The following SNX1 variants were observed in gnomAD, a reference collection of about 807,000 sequenced individuals.
SNX1 encodes the protein sorting nexin 1.
Under a neutral mutation model 71.8 loss-of-function variants are expected in SNX1, and 36 were observed. That is an observed-to-expected ratio of 0.50 (90% CI 0.38 to 0.66). SNX1 has a LOEUF of 0.66. SNX1 is among the 30% of genes least tolerant of loss of function. The probability of loss-of-function intolerance (pLI) is 0.00; values close to 1 mark genes in which losing one functional copy is unlikely to be tolerated. For synonymous variants in SNX1, 254 were observed against 240.7 expected (o/e 1.06, Z -0.51); for missense variants, 612 against 646.7 (o/e 0.95, Z 0.58).
At position 64,141,259 on chromosome 15, in the gene SNX1, C is replaced by T. The variant is rs184997679; in HGVS notation, c.*3641C>T. On this transcript the variant is annotated 3_prime_UTR_variant, in exon 15 of 15. Transcript: ENST00000559844. The surrounding 1 kb of genome is among the most constrained non-coding windows in gnomAD (Gnocchi z 5.1). ...ATCTAATGATCATTCTGACGTAAGT[C>T]TGTTTTTCTTATTTCCTTGGAATGA... The T allele has an allele frequency of 1.0e-3, 157 of 152,336 alleles. 1 individual carries two copies. Among genetic ancestry groups the T allele is most frequent in the African/African-American group, 3.5e-3 (147 of 41,566 alleles). 9.4% of individuals were successfully genotyped at this position (152,336 alleles called of 1,614,324 possible).
chr15:64,102,033 A>C (rs1285400268), intron 1 of SNX1, among the ~76,000 whole-genome samples: 18 of 152,228 alleles, frequency 1.2e-4, no homozygotes, highest in Non-Finnish European at 2.6e-4. Context: ...TCAACTAAAC[A>C]TAAAAAGAAA....
Position 64,131,724 on chromosome 15 carries a change from A to T in SNX1, c.1053A>T (p.Leu351=), listed in dbSNP as rs1479701893. ...ALNTAQFAKS[L]AMLGSSEDNT... is the part of the protein sequence containing the mutation. ...ACACAGCCCAGTTTGCAAAGAGTCTAGCCATGCTTGGGAGCTCTGAGGACA... is the reference window on the plus strand; with the variant it reads ...ACACAGCCCAGTTTGCAAAGAGTCTTGCCATGCTTGGGAGCTCTGAGGACA... The change falls in exon 11 of 15, where the codon CTA becomes CTT. Residue 351 remains leucine, a synonymous_variant. Transcript: ENST00000559844. 6.2e-7 allele frequency: 1 copy of T among 1,614,146 alleles called. No individual in the cohort carries two copies.
chr15:64,118,910 G>A (rs1013837734), intron 4 of SNX1, 56 bp downstream of exon 4: 31 of 1,390,568 alleles, frequency 2.2e-5, no homozygotes, highest in Non-Finnish European at 2.8e-5. Flanking sequence ...GAAAGCATAG[G>A]TAGCTAATTT....
rs1158893270 is a variant in SNX1, at chr15:64,138,972, C to G, written c.*1354C>G. The G allele has an allele frequency of 6.6e-6, 1 of 152,200 alleles. No individual in the cohort carries two copies. The highest frequency in any genetic ancestry group is 2.1e-4 in the South Asian group (1 of 4,830). The allele number at this position is 152,200 out of a possible 1,614,324, so 9.4% of individuals were successfully genotyped here. On this transcript the variant is annotated 3_prime_UTR_variant, in exon 15 of 15. Coordinates refer to ENST00000559844, the MANE Select transcript of SNX1 (RefSeq NM_003099.5). ...GGCGAGGCAACCTGAGACAAGAAAA[C>G]GCAGTAAACATTCTGATTCCCTGTA... is the stretch of plus-strand genomic sequence containing the variant.
chr15:64,106,967 C>G (rs926379872), intron 1 of SNX1, among the ~76,000 whole-genome samples: 19 of 152,184 alleles, frequency 1.2e-4, no homozygotes, highest in African/African-American at 4.6e-4. Flanking sequence ...AATAGGCTGT[C>G]CCACCTCACT....
At position 64,127,713 on chromosome 15, in the gene SNX1, T is replaced by C; in HGVS notation, c.732-18T>C. ...GAGGCCAGCTCAACTAACCAGATGATAACTGCTTACCTTTTAGGTACCTTC... is the reference window on the plus strand; with the variant it reads ...GAGGCCAGCTCAACTAACCAGATGACAACTGCTTACCTTTTAGGTACCTTC... On this transcript the variant is annotated intron_variant, in intron 7 of 14. Coordinates refer to ENST00000559844, the MANE Select transcript of SNX1 (RefSeq NM_003099.5). 1 of 1,606,032 alleles carries C rather than the reference T, an allele frequency of 6.2e-7. No homozygotes were observed. Among genetic ancestry groups the C allele is most frequent in the South Asian group, 1.1e-5 (1 of 90,906 alleles).
At chr15:64,117,991 T>C (rs973669179) in intron 2 of SNX1, 126 bp from the exon 3 acceptor site, 2 of 862,530 alleles carry the variant, frequency 2.3e-6, no homozygotes, top group Non-Finnish European at 3.6e-6. Context: ...TTTTATGACT[T>C]TCAGTCTAAG....
intron 1 of SNX1, 129 bp downstream of exon 1, chr15:64,096,301 C>A (rs576256453): frequency 1.8e-6 from 2 of 1,129,022 alleles, no homozygotes; most frequent in East Asian, 2.8e-5. Flanking sequence ...CAGTCCGGGC[C>A]CCGGGGACCC....
Position 64,099,478 on chromosome 15 carries a change from C to T in SNX1, c.159+3306C>T, listed in dbSNP as rs1159564507. 2.0e-5 allele frequency among the ~76,000 whole-genome samples: 3 copies of T among 152,286 alleles called. No individual in the cohort carries two copies. The East Asian group carries it at 5.8e-4, about 29-fold the overall frequency. On this transcript the variant is annotated intron_variant, in intron 1 of 14. Coordinates refer to ENST00000559844, the MANE Select transcript of SNX1 (RefSeq NM_003099.5). ...AAGTTAACATTAAAAATGGGTAATA[C>T]AGTTGATCAAAGTCAAAACTATTAT...
At position 64,124,147 on chromosome 15, in the gene SNX1, CATATATATAT is replaced by C. The variant is rs10523424; in HGVS notation, c.510+624_510+633del. On this transcript the variant is annotated intron_variant, in intron 5 of 14. Transcript: ENST00000559844. ...TCATTTCCTTTATAAGAAATCTTTA[CATATATATAT>C]ATATATATATATATATATATATGAC... 2.0e-3 allele frequency among the ~76,000 whole-genome samples: 211 copies of C among 105,416 alleles called. 4 individuals carry two copies. The highest frequency in any genetic ancestry group is 0.015 in the East Asian group (74 of 4,812). 69.2% of individuals were successfully genotyped at this position (105,416 alleles called of 152,430 possible).
chr15:64,096,267 G>C (rs1408663569), intron 1 of SNX1, 95 bp downstream of exon 1: 1 of 1,410,442 alleles, frequency 7.1e-7, no homozygotes, highest in Non-Finnish European at 9.5e-7. Flanking sequence ...GAGTGGGCCC[G>C]GTGAGACCTT....
intron 1 of SNX1, 32 bp downstream of exon 1, chr15:64,096,204 G>C (rs1046370614): frequency 1.9e-6 from 3 of 1,541,868 alleles, no homozygotes; most frequent in African/African-American, 2.8e-5. Context: ...TAGCAGGCGG[G>C]AGGGCACCCC....
rs774517220 is a variant in SNX1, at chr15:64,131,733, T to C, written c.1062T>C (p.Leu354=). The change falls in exon 11 of 15, where the codon CTT becomes CTC. Residue 354 remains leucine, a synonymous_variant. Transcript: ENST00000559844. ...TAQFAKSLAM[L]GSSEDNTALS... is the part of the protein sequence containing the mutation. Reference sequence around the variant, plus strand: ...AGTTTGCAAAGAGTCTAGCCATGCTTGGGAGCTCTGAGGACAACACGGCAT... The same window carrying C: ...AGTTTGCAAAGAGTCTAGCCATGCTCGGGAGCTCTGAGGACAACACGGCAT... The C allele has an allele frequency of 5.6e-6, 9 of 1,614,202 alleles. No homozygotes were observed. The South Asian group carries it at 9.9e-5, about 18-fold the overall frequency.
In SNX1 at chr15:64,134,003, T is replaced by C. The variant is rs1196165768; in HGVS notation, c.1222-661T>C. Among the ~76,000 whole-genome samples, 2 of 152,180 alleles carry C rather than the reference T, an allele frequency of 1.3e-5. No individual in the cohort carries two copies. The highest frequency in any genetic ancestry group is 3.8e-4 in the East Asian group (2 of 5,202). On this transcript the variant is annotated intron_variant, in intron 11 of 14. Transcript: ENST00000559844. This position sits in a 1 kb window ranked among gnomAD's most constrained non-coding sequence, Gnocchi z 4.1. The stretch of plus-strand genomic sequence containing the variant: ...TAGCCTAGAGCAGGTGAGTGTGTGG[T>C]TGGGAAAAAGCAATGTGGCCCTATG...
chr15:64,099,499 A>G (rs1188694507), intron 1 of SNX1, among the ~76,000 whole-genome samples: 2 of 152,216 alleles, frequency 1.3e-5, no homozygotes, highest in Non-Finnish European at 2.9e-5. Flanking sequence ...AGTCAAAACT[A>G]TTATTAGCCT....
intron 13 of SNX1, 43 bp from the exon 14 acceptor site, chr15:64,136,818 G>A (rs750598071): frequency 1.3e-6 from 2 of 1,519,594 alleles, no homozygotes; most frequent in Non-Finnish European, 9.1e-7. Context: ...CATCGAAAGG[G>A]AAAGCAAAAA....
chr15:64,126,119 A>G lies in SNX1; in HGVS notation c.551A>G (p.Lys184Arg), dbSNP rs1432464483. The change falls in exon 6 of 15, where the codon AAA (lysine) becomes AGA (arginine). Residue 184 changes from lysine (K) to arginine (R), a missense_variant. Lys to Arg is a conservative substitution (Grantham distance 26). Around this residue, in one of 2 missense-constraint regions of SNX1, gnomAD observed 316 missense variants for 284.9 expected, o/e 1.11. Transcript: ENST00000559844. ...TTCAGAAGCAAACAGTTTGCAGTAA[A>G]AAGAAGATTTAGTGACTTTCTGGGT... The part of the protein sequence containing the change: ...PLFRSKQFAV[K>R]RRFSDFLGLY... The G allele has an allele frequency of 1.9e-6, 3 of 1,614,166 alleles. No homozygotes were observed. Among genetic ancestry groups the G allele is most frequent in the Non-Finnish European group, 2.5e-6 (3 of 1,180,026 alleles).
intron 1 of SNX1, among the ~76,000 whole-genome samples, chr15:64,101,853 T>A (rs1209894388): frequency 6.6e-6 from 1 of 152,214 alleles, no homozygotes; most frequent in African/African-American, 2.4e-5. Flanking sequence ...TAACTGTATT[T>A]ATTGTATATT....
chr15:64,118,073 G>T (rs2081150845), intron 2 of SNX1, 44 bp from the exon 3 acceptor site: 3 of 1,597,700 alleles, frequency 1.9e-6, no homozygotes, highest in Non-Finnish European at 2.6e-6. Context: ...AGCCTTCAAA[G>T]ACTCATTACT....
Sources: gnomAD v4.1 joint callset for allele counts (sites outside exome capture counted in the v4.1 genomes callset) on GRCh38, gnomAD v4.1.1 for gene constraint, gnomAD v4.1.1 regional missense constraint, Gnocchi (gnomAD v3.1) non-coding constraint, MANE v1.5 for transcripts, NCBI Gene and HGNC (gene_info 2026-07-23, HGNC 2026-07-21) for gene names.